The following TNKS variants were observed in gnomAD, a reference collection of about 807,000 sequenced individuals.
TNKS encodes the protein tankyrase.
In TNKS, 72 loss-of-function variants were observed where a neutral mutation model predicts 135.8. That is an observed-to-expected ratio of 0.53 (90% CI 0.44 to 0.64). The LOEUF (loss-of-function observed/expected upper bound fraction) is 0.64, where lower values mean the gene tolerates loss of function less well. Ranked by LOEUF, TNKS falls within the 30% of genes least tolerant of loss-of-function variation. TNKS has a pLI of 0.00. For missense variants in TNKS, 1,769 were observed against 1,674.0 expected (o/e 1.06, Z -0.99); for synonymous variants, 849 against 649.3 (o/e 1.31, Z -4.68).
Position 9,592,533 on chromosome 8 carries a change from C to G in TNKS, c.898+12150C>G, listed in dbSNP as rs147262692. On this transcript the variant is annotated intron_variant, in intron 2 of 26. Coordinates refer to ENST00000310430, the MANE Select transcript of TNKS (RefSeq NM_003747.3). ...TCTGTGCACTGAGTATGTTTACTTT[C>G]TAACACAGCCACAGGATGAGGTGCC... 6.6e-5 allele frequency among the ~76,000 whole-genome samples: 10 copies of G among 152,254 alleles called. No individual in the cohort carries two copies. The East Asian group carries it at 1.9e-3, about 29-fold the overall frequency.
intron 5 of TNKS, among the ~76,000 whole-genome samples, chr8:9,692,920 C>G (rs547680946): frequency 6.6e-6 from 1 of 152,164 alleles, no homozygotes; most frequent in African/African-American, 2.4e-5. Flanking sequence ...TATCGATTCT[C>G]TAGCTGTTAA....
intron 25 of TNKS, among the ~76,000 whole-genome samples, chr8:9,768,659 C>T (rs1304610338): frequency 2.0e-5 from 3 of 152,248 alleles, no homozygotes; most frequent in Non-Finnish European, 2.9e-5. Flanking sequence ...GGGCAGGAAG[C>T]AGAAGACCAG....
At chr8:9,718,290 A>G (rs151267129) in intron 11 of TNKS, among the ~76,000 whole-genome samples, 8 of 152,308 alleles carry the variant, frequency 5.3e-5, no homozygotes, top group African/African-American at 1.9e-4. Context: ...TTTTAGGTTG[A>G]GGCAAACACA....
intron 3 of TNKS, among the ~76,000 whole-genome samples, chr8:9,651,393 G>A (rs1046882866): frequency 6.6e-6 from 1 of 151,970 alleles, no homozygotes; most frequent in South Asian, 2.1e-4. Context: ...GAATGCCATC[G>A]GTCAAAGACC....
intron 1 of TNKS, among the ~76,000 whole-genome samples, chr8:9,575,899 T>A (rs1797927541): frequency 6.6e-6 from 1 of 152,114 alleles, no homozygotes; most frequent in Admixed American, 6.5e-5. Context: ...AATTCAAGAG[T>A]TGGTTTCAGT....
intron 2 of TNKS, among the ~76,000 whole-genome samples, chr8:9,587,984 T>G (rs1265020517): frequency 5.3e-5 from 8 of 152,202 alleles, no homozygotes; most frequent in Admixed American, 5.2e-4. Context: ...GTAGCAGTTT[T>G]TTATGTTGGC....
In TNKS at chr8:9,556,526, C is replaced by T; in HGVS notation, c.587C>T (p.Ser196Phe). The change falls in exon 1 of 27, where the codon TCC becomes TTC. Residue 196 changes from serine to phenylalanine, a missense_variant. Ser to Phe is a radical substitution (Grantham distance 155). Transcript: ENST00000310430. ...GAGGCCTGTCGCAATGGGGACGTGT[C>T]CCGGGTAAAGAGGCTGGTGGACGCG... Reference protein sequence around the residue: ...LLEACRNGDVSRVKRLVDAAN... With the variant: ...LLEACRNGDVFRVKRLVDAAN... The T allele has an allele frequency of 6.2e-7, 1 of 1,614,136 alleles. No homozygotes were observed. The highest frequency in any genetic ancestry group is 2.2e-5 in the East Asian group (1 of 44,864).
At chr8:9,719,927 A>G (rs1365140117) in intron 11 of TNKS, among the ~76,000 whole-genome samples, 2 of 152,230 alleles carry the variant, frequency 1.3e-5, no homozygotes, top group Non-Finnish European at 2.9e-5. Context: ...TAAATTAGAA[A>G]AGAAATATAA....
chr8:9,652,871 C>A (rs893192600), intron 3 of TNKS, among the ~76,000 whole-genome samples: 1 of 152,044 alleles, frequency 6.6e-6, no homozygotes, highest in Non-Finnish European at 1.5e-5. Flanking sequence ...AAATGAGAAA[C>A]ATGAAACTCA....
At chr8:9,699,686 CTGCTGCCACTT>C (rs1325122164) in intron 5 of TNKS, among the ~76,000 whole-genome samples, 2 of 152,208 alleles carry the variant, frequency 1.3e-5, no homozygotes, top group East Asian at 3.9e-4. Flanking sequence ...TACTTAGATG[CTGCTGCCACTT>C]TGCTGACAGC....
intron 2 of TNKS, among the ~76,000 whole-genome samples, chr8:9,606,589 A>G (rs1799229125): frequency 6.6e-6 from 1 of 151,966 alleles, no homozygotes. Context: ...CTTTCCTTTA[A>G]TTCTTGGAAT....
chr8:9,614,953 T>C (rs376804917), intron 2 of TNKS, among the ~76,000 whole-genome samples: 1 of 152,206 alleles, frequency 6.6e-6, no homozygotes, highest in African/African-American at 2.4e-5. Context: ...GGATATATTA[T>C]AGTGATTGAG....
chr8:9,672,707 C>CA (rs1328735565), intron 3 of TNKS, among the ~76,000 whole-genome samples: 9 of 104,320 alleles, frequency 8.6e-5, no homozygotes, highest in Non-Finnish European at 1.4e-4. Context: ...CACACACACA[C>CA]ACACAAAAAA....
chr8:9,732,106 A>G (rs780405935), intron 14 of TNKS, among the ~76,000 whole-genome samples: 60 of 152,324 alleles, frequency 3.9e-4, no homozygotes, highest in Non-Finnish European at 7.1e-4. Context: ...ATGTTTTTAT[A>G]TAGTCTGTAA....
chr8:9,634,698 C>T (rs1409993906), intron 3 of TNKS, among the ~76,000 whole-genome samples: 1 of 152,160 alleles, frequency 6.6e-6, no homozygotes, highest in East Asian at 1.9e-4. Flanking sequence ...ACCTCTATTT[C>T]TGCTACAGAA....
chr8:9,700,668 A>G lies in TNKS; in HGVS notation c.1108-3995A>G, dbSNP rs139687341. Among the ~76,000 whole-genome samples the G allele has an allele frequency of 1.8e-4, 27 of 150,040 alleles. No individual in the cohort carries two copies. The East Asian group carries it at 2.0e-3, about 11-fold the overall frequency. Reference sequence around the variant, plus strand: ...GCATTTCCAACCTGGAAACTACTCTATCTCTCACTAGCTAGATCAGTCATT... The same window carrying G: ...GCATTTCCAACCTGGAAACTACTCTGTCTCTCACTAGCTAGATCAGTCATT... On this transcript the variant is annotated intron_variant, in intron 5 of 26. Transcript: ENST00000310430.
At chr8:9,764,233 G>A (rs1315587154) in intron 22 of TNKS, among the ~76,000 whole-genome samples, 1 of 151,656 alleles carries the variant, frequency 6.6e-6, no homozygotes, top group Non-Finnish European at 1.5e-5. Flanking sequence ...ATTCCCTTTA[G>A]TAGTACATTA....
At chr8:9,609,289 A>C (rs975053094) in intron 2 of TNKS, among the ~76,000 whole-genome samples, 1 of 152,158 alleles carries the variant, frequency 6.6e-6, no homozygotes, top group Non-Finnish European at 1.5e-5. Flanking sequence ...CATTTTACCA[A>C]CTGTTTATTT....
intron 1 of TNKS, 60 bp downstream of exon 1, chr8:9,556,672 G>T (rs1241960957): frequency 1.3e-6 from 2 of 1,596,278 alleles, no homozygotes; most frequent in African/African-American, 2.7e-5. Context: ...GTCCGGTTAG[G>T]ACAAGAAAAC....
Sources: gnomAD v4.1 joint callset for allele counts (sites outside exome capture counted in the v4.1 genomes callset) on GRCh38, gnomAD v4.1.1 for gene constraint, MANE v1.5 for transcripts, NCBI Gene and HGNC (gene_info 2026-07-23, HGNC 2026-07-21) for gene names.